Variants in CCDC122 observed in about 807,000 individuals in gnomAD.
The protein encoded by CCDC122 is coiled-coil domain containing 122, also known as coiled-coil domain-containing protein 122.
Under a neutral mutation model 37.0 loss-of-function variants are expected in CCDC122, and 38 were observed. That is an observed-to-expected ratio of 1.03 (90% CI 0.79 to 1.35). The LOEUF is 1.35. CCDC122 is among the 40% of genes most tolerant of loss of function. The probability of loss-of-function intolerance (pLI) is 0.00; values close to 1 mark genes in which losing one functional copy is unlikely to be tolerated. For synonymous variants in CCDC122, 83 were observed against 95.6 expected, an observed-to-expected ratio of 0.87 and a Z score of 0.77; for missense variants, 305 against 310.0, an observed-to-expected ratio of 0.98 and a Z score of 0.12.
chr13:43,874,702 C>T (rs954085505), intron 2 of CCDC122, 140 bp downstream of exon 2: 1 of 152,004 alleles, frequency 6.6e-6, no homozygotes, highest in African/African-American at 2.4e-5. Context: ...TGCCATCTAC[C>T]GATAATTCAT....
At chr13:43,839,447 A>G (rs2153869703) in intron 6 of CCDC122, among the ~76,000 whole-genome samples, 2 of 152,342 alleles carry the variant, frequency 1.3e-5, no homozygotes, top group East Asian at 3.9e-4. Context: ...TTGCCAAATA[A>G]TAGCACATTA....
chr13:43,868,915 A>G (rs1017233199), intron 3 of CCDC122, 112 bp from the exon 4 acceptor site: 16 of 574,520 alleles, frequency 2.8e-5, no homozygotes, highest in Non-Finnish European at 4.4e-5. Context: ...TTTTCCTTCT[A>G]AACTAAATTT....
At chr13:43,868,632 TCTC>T in intron 4 of CCDC122, 59 bp downstream of exon 4, 2 of 808,870 alleles carry the variant, frequency 2.5e-6, no homozygotes, top group Non-Finnish European at 3.7e-6. Flanking sequence ...TTTTTAATAA[TCTC>T]CTGGTCATTT....
Position 43,825,483 on chromosome 13 carries a change from G to T in CCDC122, n.602-1472C>A, listed in dbSNP as rs189534120. On this transcript the variant is annotated intron_variant and non_coding_transcript_variant, in intron 3 of 3. Transcript: ENST00000470137. Reference sequence around the variant, plus strand: ...AGAGATTGGGGACTCTAAAAGGAGGGTGTAGGCCAGGGATGGTGGCTCACG... The same window carrying T: ...AGAGATTGGGGACTCTAAAAGGAGGTTGTAGGCCAGGGATGGTGGCTCACG... Among the ~76,000 whole-genome samples the T allele has an allele frequency of 1.7e-3, 257 of 151,934 alleles. 4 individuals are homozygous for T. The highest frequency in any genetic ancestry group is 4.9e-4 in the Non-Finnish European group (33 of 67,934).
intron 2 of CCDC122, among the ~76,000 whole-genome samples, chr13:43,871,147 A>ACTT (rs900633024): frequency 1.3e-5 from 2 of 152,154 alleles, no homozygotes; most frequent in African/African-American, 4.8e-5. Context: ...GTGTTGTTCA[A>ACTT]GGGTCCACTA....
chr13:43,834,075 T>A (rs1480189956), downstream of CCDC122, among the ~76,000 whole-genome samples: 1 of 152,214 alleles, frequency 6.6e-6, no homozygotes. Flanking sequence ...AATTCTCTAT[T>A]ATCTGAAATA....
intron 3 of CCDC122, among the ~76,000 whole-genome samples, chr13:43,827,525 T>C (rs968293307): frequency 3.3e-5 from 5 of 152,234 alleles, no homozygotes; most frequent in Non-Finnish European, 5.9e-5. Context: ...GAAATCATGA[T>C]ACAGATTTTT....
intron 6 of CCDC122, among the ~76,000 whole-genome samples, chr13:43,838,537 A>C (rs1239450952): frequency 6.6e-6 from 1 of 152,160 alleles, no homozygotes; most frequent in East Asian, 1.9e-4. Context: ...CCATCCTTTA[A>C]AGTGTACAAC....
chr13:43,827,250 T>C (rs935000630), intron 3 of CCDC122, among the ~76,000 whole-genome samples: 5 of 152,222 alleles, frequency 3.3e-5, no homozygotes, highest in African/African-American at 1.2e-4. Context: ...AAAAAAGCTT[T>C]GATATTTATA....
chr13:43,871,732 G>T (rs1192121300), intron 2 of CCDC122, among the ~76,000 whole-genome samples: 1 of 152,196 alleles, frequency 6.6e-6, no homozygotes, highest in East Asian at 1.9e-4. Context: ...CAAAGATACA[G>T]CTTCCTCATC....
At chr13:43,834,786 C>A (rs906543073), downstream of CCDC122, among the ~76,000 whole-genome samples, 2 of 151,984 alleles carry the variant, frequency 1.3e-5, no homozygotes, top group Non-Finnish European at 2.9e-5. Context: ...GTTAGAATGG[C>A]AATCATTAAA....
intron 6 of CCDC122, among the ~76,000 whole-genome samples, chr13:43,847,217 A>G (rs921796034): frequency 3.9e-5 from 6 of 152,220 alleles, no homozygotes; most frequent in African/African-American, 1.4e-4. Flanking sequence ...TAAGTAAATT[A>G]GTTGCAAAAT....
intron 1 of CCDC122, chr13:43,877,903 T>C (rs1384911300): frequency 6.6e-6 from 1 of 151,804 alleles, no homozygotes; most frequent in Non-Finnish European, 1.5e-5. Flanking sequence ...CATTAATTAT[T>C]TTTTTTTTCA....
intron 6 of CCDC122, among the ~76,000 whole-genome samples, chr13:43,847,990 G>T (rs2028813): frequency 0.35 from 53,423 of 151,940 alleles, 9,564 homozygotes; most frequent in Admixed American, 0.41. Flanking sequence ...GTCCAGGCTG[G>T]TCTCAAACTC....
intron 6 of CCDC122, among the ~76,000 whole-genome samples, chr13:43,844,781 C>A (rs1395650492): frequency 6.6e-6 from 1 of 152,024 alleles, no homozygotes; most frequent in Non-Finnish European, 1.5e-5. Flanking sequence ...CACAGCTACA[C>A]CAGCTTTTTA....
intron 3 of CCDC122, among the ~76,000 whole-genome samples, chr13:43,830,555 G>A (rs1042572320): frequency 2.6e-5 from 4 of 152,152 alleles, no homozygotes; most frequent in African/African-American, 4.8e-5. Flanking sequence ...GAAAGTCTTA[G>A]GTAAGAGTTT....
At chr13:43,869,518 T>C in intron 2 of CCDC122, 29 bp from the exon 3 acceptor site, 1 of 603,704 alleles carries the variant, frequency 1.7e-6, no homozygotes, top group Non-Finnish European at 2.8e-6. Context: ...GTCAAACATG[T>C]CACAGGGATG....
rs1954046279 is a variant in CCDC122 at position 43,859,763 on chromosome 13, T to C, written c.464A>G (p.Lys155Arg). The C allele has an allele frequency of 6.3e-7, 1 of 1,599,788 alleles. No homozygotes were observed. Among genetic ancestry groups the C allele is most frequent in the Non-Finnish European group, 8.5e-7 (1 of 1,176,082 alleles). ...KWSFMTELHE[K>R]RDFVKKLKTM... The stretch of plus-strand genomic sequence containing the variant: ...CTTTAATTTTTTAACAAAATCTCGC[T>C]TTTCATGGAGTTCAGTCATAAATGA... Residue 155 changes from lysine (K) to arginine (R), a missense_variant, in exon 5 of 7, where the codon AAG becomes AGG. By Grantham distance (26) the Lys-to-Arg change is conservative. Coordinates refer to ENST00000444614, the MANE Select transcript of CCDC122 (RefSeq NM_144974.5).
intron 6 of CCDC122, among the ~76,000 whole-genome samples, chr13:43,848,440 C>T (rs570293911): frequency 6.6e-6 from 1 of 151,286 alleles, no homozygotes; most frequent in Non-Finnish European, 1.5e-5. Context: ...TTACCTTGAA[C>T]TAGAAACCAC....
Sources: allele counts gnomAD v4.1 joint callset (sites outside exome capture counted in the v4.1 genomes callset), GRCh38; gene constraint gnomAD v4.1.1; transcripts MANE v1.5; gene names NCBI Gene and HGNC (gene_info 2026-07-23, HGNC 2026-07-21).